Variants in IGF2 observed in about 807,000 individuals in gnomAD.
IGF2 encodes the protein insulin like growth factor 2.
In IGF2, 2 loss-of-function variants were observed where a neutral mutation model predicts 12.0. The observed-to-expected ratio is 0.17, with a 90% CI of 0.07 to 0.52. The LOEUF (loss-of-function observed/expected upper bound fraction) is 0.52. IGF2 is among the 20% of genes least tolerant of loss of function. The pLI, the probability that IGF2 is intolerant of heterozygous loss-of-function variation, is 0.95. For missense variants in IGF2, 211 were observed against 268.0 expected, an observed-to-expected ratio of 0.79 and a Z score of 1.48; for synonymous variants, 105 against 110.1, an observed-to-expected ratio of 0.95 and a Z score of 0.29.
At chr11:2,145,950 C>T (rs1006448812), upstream of IGF2, among the ~76,000 whole-genome samples, 2 of 152,072 alleles carry the variant, frequency 1.3e-5, no homozygotes, top group Non-Finnish European at 2.9e-5. Flanking sequence ...GTCCCGCCAG[C>T]AGTCCAAGGG....
In IGF2 at chr11:2,133,534, G is replaced by A; in HGVS notation, c.289C>T (p.Pro97Ser). 5 of 1,612,374 alleles carry A rather than the reference G, an allele frequency of 3.1e-6. No individual in the cohort carries two copies. Among genetic ancestry groups the A allele is most frequent in the South Asian group, 1.1e-5 (1 of 90,940 alleles). Residue 97 changes from proline to serine, a missense_variant, in exon 3 of 4, where the codon CCT (proline) becomes TCT (serine). Physicochemically the swap from Pro to Ser is moderately conservative, Grantham distance 74. This residue lies in a region of IGF2 where 141 missense variants were observed against 153.1 expected (regional missense o/e 0.92). Coordinates refer to ENST00000416167, the MANE Select transcript of IGF2 (RefSeq NM_000612.6). The surrounding 1 kb of genome is among the most constrained non-coding windows in gnomAD (Gnocchi z 8.9). ...PAKSERDVST[P>S]PTVLPDNFPR... ...ACCCTCACCGGAAGCACGGTCGGAG[G>A]GGTCGACACGTCCCTCTCGGACTTG...
rs1315870254 is a variant in IGF2, at chr11:2,138,332, G to A, written c.-110C>T. 6 of 983,016 alleles carry A rather than the reference G, an allele frequency of 6.1e-6. No homozygotes were observed. The Admixed American group carries it at 2.5e-4, about 41-fold the overall frequency. 60.9% of individuals were successfully genotyped at this position (983,016 alleles called of 1,614,324 possible). ...ACACTCCTCTGCCAGCGCCGCTCTG[G>A]CCGAGTCGCGGGGGCCGAATGTGCG... On this transcript the variant is annotated 5_prime_UTR_variant, in exon 1 of 4. Transcript: ENST00000416167.
At chr11:2,143,385 G>T (rs1224298996), upstream of IGF2, among the ~76,000 whole-genome samples, 3 of 152,062 alleles carry the variant, frequency 2.0e-5, no homozygotes, top group East Asian at 1.9e-4. Flanking sequence ...TGGGGCGGAC[G>T]TGTGCCGGAA....
chr11:2,138,204 G>C (rs1403058439), intron 1 of IGF2, 25 bp downstream of exon 1: 1 of 983,948 alleles, frequency 1.0e-6, no homozygotes, highest in Admixed American at 6.2e-5. Context: ...CCCCGGCCCC[G>C]GCCCGGCCCG....
In IGF2 at chr11:2,138,512, C is replaced by T; in HGVS notation, c.-290G>A. ...CGGGAAATGAGGTCAGCTGTTGTATCAAGGATAGAGGGGGGCAGAGATAGT... is the reference window on the plus strand; with the variant it reads ...CGGGAAATGAGGTCAGCTGTTGTATTAAGGATAGAGGGGGGCAGAGATAGT... On this transcript the variant is annotated 5_prime_UTR_variant, in exon 1 of 4. Transcript: ENST00000416167. 1.2e-6 allele frequency: 1 copy of T among 861,524 alleles called. No homozygotes were observed. Among genetic ancestry groups the T allele is most frequent in the Non-Finnish European group, 1.3e-6 (1 of 742,542 alleles). 53.4% of individuals were successfully genotyped at this position (861,524 alleles called of 1,614,324 possible).
Position 2,135,379 on chromosome 11 carries a change from C to T in IGF2, c.145G>A (p.Gly49Ser). Residue 49 changes from glycine (G) to serine (S), a missense_variant, in exon 2 of 4, where the codon GGC (glycine) becomes AGC (serine). By Grantham distance (56) the Gly-to-Ser change is moderately conservative. This residue lies in a region of IGF2 where 30 missense variants were observed against 79.2 expected (regional missense o/e 0.38). Transcript: ENST00000416167. The part of the protein sequence containing the change: ...DTLQFVCGDR[G>S]FYFSRPASRV... ...CCCAGCTACTTACTGAAGTAGAAGC[C>T]GCGGTCCCCACAGACGAACTGGAGG... 1 of 1,612,056 alleles carries T rather than the reference C, an allele frequency of 6.2e-7. No individual in the cohort carries two copies. Among genetic ancestry groups the T allele is most frequent in the Non-Finnish European group, 8.5e-7 (1 of 1,179,114 alleles).
upstream of IGF2, among the ~76,000 whole-genome samples, chr11:2,142,009 A>T (rs1276891292): frequency 2.6e-5 from 4 of 152,206 alleles, no homozygotes; most frequent in South Asian, 6.2e-4. This position sits in a 1 kb window ranked among gnomAD's most constrained non-coding sequence, Gnocchi z 5.7. Flanking sequence ...GAAATTACCC[A>T]ATGGAGATTT....
chr11:2,137,265 A>ACAG (rs2133599562), intron 1 of IGF2: 1 of 993,736 alleles, frequency 1.0e-6, no homozygotes, highest in Admixed American at 6.1e-5. Flanking sequence ...AGTCTCTTTC[A>ACAG]CAGGAGAAGC....
the IGF2 span, chr11:2,146,253 C>G: frequency 1.9e-6 from 1 of 533,240 alleles, no homozygotes; most frequent in South Asian, 1.4e-5. Flanking sequence ...AGCTCTGGCT[C>G]TGAGCTCACC....
rs889623176 is a variant in IGF2, at chr11:2,132,925, T to C, written c.*62A>G. The stretch of plus-strand genomic sequence containing the variant: ...TTCGGGATGGAACCTGATGGAAACG[T>C]CCGTGGTCAGGAGGAGGCTGCAGGA... On this transcript the variant is annotated 3_prime_UTR_variant, in exon 4 of 4. Coordinates refer to ENST00000416167, the MANE Select transcript of IGF2 (RefSeq NM_000612.6). The C allele has an allele frequency of 5.2e-6, 6 of 1,149,492 alleles. No homozygotes were observed. Among genetic ancestry groups the C allele is most frequent in the Non-Finnish European group, 7.4e-6 (6 of 816,292 alleles). 71.2% of individuals were successfully genotyped at this position (1,149,492 alleles called of 1,614,324 possible). A position where few individuals can be genotyped will look rare whatever the true frequency, so the allele number is the denominator to read the frequency against.
chr11:2,135,253 C>G (rs758939298), intron 2 of IGF2, 114 bp downstream of exon 2: 8 of 968,486 alleles, frequency 8.3e-6, no homozygotes, highest in Non-Finnish European at 1.2e-5. Flanking sequence ...AGTCTCAGAG[C>G]AAGCGGCTGG....
the IGF2 span, chr11:2,149,254 A>G: frequency 6.2e-7 from 1 of 1,613,694 alleles, no homozygotes; most frequent in Non-Finnish European, 8.5e-7. Flanking sequence ...GGCCAATATT[A>G]GCAGTCACCA....
chr11:2,129,200 T>C lies in IGF2; in HGVS notation c.*3787A>G. Reference sequence around the variant, plus strand: ...AAGCATGGGATTTTGCCGGAAATATTAGCGTTAAAGGAGTTGAGTTGAGTC... The same window carrying C: ...AAGCATGGGATTTTGCCGGAAATATCAGCGTTAAAGGAGTTGAGTTGAGTC... On this transcript the variant is annotated 3_prime_UTR_variant, in exon 4 of 4. Transcript: ENST00000416167. The surrounding 1 kb of genome is among the most constrained non-coding windows in gnomAD (Gnocchi z 8.1). 5.1e-6 allele frequency: 1 copy of C among 195,764 alleles called. No homozygotes were observed. The highest frequency in any genetic ancestry group is 1.8e-3 in the Middle Eastern group (1 of 556). The allele number at this position is 195,764 out of a possible 1,614,324, so 12.1% of individuals were successfully genotyped here. A position where few individuals can be genotyped will look rare whatever the true frequency, so the allele number is the denominator to read the frequency against.
chr11:2,136,595 C>G (rs1300153991), intron 1 of IGF2, among the ~76,000 whole-genome samples: 1 of 152,284 alleles, frequency 6.6e-6, no homozygotes, highest in Non-Finnish European at 1.5e-5. Flanking sequence ...AGCCTTCGCT[C>G]CGCAGACCCA....
chr11:2,131,559 CTGTG>C lies in IGF2; in HGVS notation c.*1424_*1427del, dbSNP rs142373942. On this transcript the variant is annotated 3_prime_UTR_variant, in exon 4 of 4. Coordinates refer to ENST00000416167, the MANE Select transcript of IGF2 (RefSeq NM_000612.6). ...TGTGTGCTGTGTGTGCATGTGTGTG[CTGTG>C]TGTTTGTGTGTGTGCTGTGTTCATG... The C allele has an allele frequency of 5.8e-6, 1 of 171,222 alleles. No individual in the cohort carries two copies. The highest frequency in any genetic ancestry group is 9.5e-5 in the Admixed American group (1 of 10,518). 10.6% of individuals were successfully genotyped at this position (171,222 alleles called of 1,614,324 possible).
the IGF2 span, chr11:2,149,056 C>T: frequency 4.9e-3 from 7,085 of 1,434,658 alleles, 18 homozygotes; most frequent in Non-Finnish European, 6.2e-3. Flanking sequence ...CCCAAGCTCC[C>T]GGCCCACCCA....
chr11:2,139,654 C>T (rs1248630791), upstream of IGF2, among the ~76,000 whole-genome samples: 1 of 150,798 alleles, frequency 6.6e-6, no homozygotes, highest in Non-Finnish European at 1.5e-5. Context: ...CCGCAGAGCG[C>T]CAAGGCCATG....
chr11:2,129,373 A>G lies in IGF2; in HGVS notation c.*3614T>C, dbSNP rs1359419594. The G allele has an allele frequency of 1.8e-5, 4 of 226,974 alleles. No homozygotes were observed. Among genetic ancestry groups the G allele is most frequent in the Non-Finnish European group, 2.6e-5 (3 of 114,148 alleles). The allele number at this position is 226,974 out of a possible 1,614,324, so 14.1% of individuals were successfully genotyped here. A position where few individuals can be genotyped will look rare whatever the true frequency, so the allele number is the denominator to read the frequency against. ...GGGACACGGGGAGGAGACAAGATGG[A>G]GAGCCACGACTAGGCACGGAGGTCA... On this transcript the variant is annotated 3_prime_UTR_variant, in exon 4 of 4. Coordinates refer to ENST00000416167, the MANE Select transcript of IGF2 (RefSeq NM_000612.6). This position sits in a 1 kb window ranked among gnomAD's most constrained non-coding sequence, Gnocchi z 8.1.
the IGF2 span, chr11:2,147,302 C>G: frequency 5.8e-6 from 2 of 347,748 alleles, no homozygotes; most frequent in Non-Finnish European, 1.0e-5. This position sits in a 1 kb window ranked among gnomAD's most constrained non-coding sequence, Gnocchi z 7.2. Context: ...CTTCTTTGCC[C>G]TCTTTCGTCT....
Sources: gnomAD v4.1 joint callset for allele counts (sites outside exome capture counted in the v4.1 genomes callset) on GRCh38, gnomAD v4.1.1 for gene constraint, gnomAD v4.1.1 regional missense constraint, Gnocchi (gnomAD v3.1) non-coding constraint, MANE v1.5 for transcripts, NCBI Gene and HGNC (gene_info 2026-07-23, HGNC 2026-07-21) for gene names.